The following CEP162 variants were observed in gnomAD, a reference collection of about 807,000 sequenced individuals.
The protein encoded by CEP162 is centrosomal protein of 162 kDa.
In CEP162, 141 loss-of-function variants were observed where a neutral mutation model predicts 169.2. That is an observed-to-expected ratio of 0.83 (90% CI 0.73 to 0.96). The LOEUF (loss-of-function observed/expected upper bound fraction) is 0.96. CEP162 is among the 40% of genes least tolerant of loss of function. CEP162 has a pLI of 0.00. For synonymous variants in CEP162, 540 were observed against 526.4 expected, an observed-to-expected ratio of 1.03 and a Z score of -0.35; for missense variants, 1,600 against 1,587.2, an observed-to-expected ratio of 1.01 and a Z score of -0.14.
chr6:84,200,248 TCAAAA>T (rs771918463), intron 9 of CEP162, among the ~76,000 whole-genome samples: 34 of 152,120 alleles, frequency 2.2e-4, no homozygotes, highest in Non-Finnish European at 2.9e-4. Flanking sequence ...AGACTCCATC[TCAAAA>T]CAAAACAAAA....
At chr6:84,136,484 A>G (rs1375575785) in intron 25 of CEP162, among the ~76,000 whole-genome samples, 3 of 152,200 alleles carry the variant, frequency 2.0e-5, no homozygotes, top group East Asian at 1.9e-4. Context: ...AACATCAACT[A>G]AATTTAAACA....
intron 1 of CEP162, 64 bp from the exon 2 acceptor site, chr6:84,226,516 T>C: frequency 2.8e-6 from 2 of 718,298 alleles, no homozygotes; most frequent in Non-Finnish European, 4.7e-6. Flanking sequence ...ACGACCAGAC[T>C]TAAACTTCGG....
chr6:84,139,364 T>C (rs1279312649), intron 25 of CEP162, among the ~76,000 whole-genome samples: 2 of 152,226 alleles, frequency 1.3e-5, no homozygotes, highest in African/African-American at 2.4e-5. Context: ...TAAACCAGAG[T>C]TCTAAGCCAC....
chr6:84,209,627 G>C (rs943630645), intron 6 of CEP162, among the ~76,000 whole-genome samples: 2 of 151,850 alleles, frequency 1.3e-5, no homozygotes, highest in South Asian at 4.1e-4. Context: ...CACCCGCCTT[G>C]GCCTCACAAA....
intron 18 of CEP162, among the ~76,000 whole-genome samples, chr6:84,163,528 T>C (rs1258542596): frequency 6.6e-6 from 1 of 151,940 alleles, no homozygotes; most frequent in Non-Finnish European, 1.5e-5. Context: ...ATACTAACCA[T>C]ATTGATGACC....
intron 3 of CEP162, 35 bp from the exon 4 acceptor site, chr6:84,215,957 G>A (rs373722723): frequency 3.8e-5 from 56 of 1,483,222 alleles, no homozygotes; most frequent in Non-Finnish European, 4.9e-5. Context: ...GAAGATTTAT[G>A]TTCAAAGAAT....
At chr6:84,192,694 C>T (rs2099540417) in intron 11 of CEP162, among the ~76,000 whole-genome samples, 1 of 152,198 alleles carries the variant, frequency 6.6e-6, no homozygotes, top group Non-Finnish European at 1.5e-5. Flanking sequence ...GGATGACAGA[C>T]TATTTCACAG....
At chr6:84,148,801 C>CTTGA (rs1031804965) in intron 24 of CEP162, among the ~76,000 whole-genome samples, 6 of 152,032 alleles carry the variant, frequency 3.9e-5, no homozygotes, top group African/African-American at 1.4e-4. Context: ...TATTTTTCAA[C>CTTGA]TTGATAACCC....
rs1438183154 is a variant in CEP162, at chr6:84,185,274, A to G, written c.1576T>C (p.Ser526Pro). 1.2e-6 allele frequency: 2 copies of G among 1,613,542 alleles called. No homozygotes were observed. Among genetic ancestry groups the G allele is most frequent in the African/African-American group, 2.7e-5 (2 of 74,906 alleles). Residue 526 changes from serine to proline, a missense_variant, in exon 13 of 27, where the codon TCT becomes CCT. Transcript: ENST00000403245. Reference protein sequence around the residue: ...GKPSSPLKMFSTLEKKTSEDI... With the variant: ...GKPSSPLKMFPTLEKKTSEDI... ...TCTGAAGTTTTCTTTTCAAGAGTAG[A>G]AAACATCTTGAGTGGTGAACTGGGT...
chr6:84,220,379 G>A lies in CEP162; in HGVS notation c.172+678C>T, dbSNP rs146744382. On this transcript the variant is annotated intron_variant, in intron 3 of 26. Transcript: ENST00000403245. ...GGTGGCTTAGGCTTGTAATCTCTGC[G>A]TTTTGGGAGGCCAAGGTGGGAGGAC... is the stretch of plus-strand genomic sequence containing the variant. Among the ~76,000 whole-genome samples, 478 of 152,132 alleles carry A rather than the reference G, an allele frequency of 3.1e-3. 5 individuals carry two copies. The highest frequency in any genetic ancestry group is 3.7e-3 in the Non-Finnish European group (252 of 67,996).
intron 11 of CEP162, among the ~76,000 whole-genome samples, chr6:84,191,501 T>C (rs1042196375): frequency 5.3e-5 from 8 of 152,242 alleles, no homozygotes; most frequent in Non-Finnish European, 1.2e-4. Context: ...CTCATACTTT[T>C]CCTTGCTGAA....
At position 84,141,582 on chromosome 6, in the gene CEP162, C is replaced by A. The variant is rs570035318; in HGVS notation, c.3870+5105G>T. On this transcript the variant is annotated intron_variant, in intron 25 of 26. Transcript: ENST00000403245. ...TCCTTTAATCCTAAAACTCCTCCAA[C>A]TTCCCCAGGAAATCTTTTAAATGCC... 5.3e-5 allele frequency among the ~76,000 whole-genome samples: 8 copies of A among 152,288 alleles called. No individual in the cohort carries two copies. In the East Asian group the frequency reaches 1.5e-3, roughly 29 times the overall value.
chr6:84,203,686 G>A (rs555941970), intron 7 of CEP162, among the ~76,000 whole-genome samples: 8 of 152,168 alleles, frequency 5.3e-5, no homozygotes, highest in Admixed American at 2.6e-4. Context: ...TCGTGGGCTC[G>A]AACAGTCCTC....
chr6:84,215,849 C>T lies in CEP162; in HGVS notation c.246G>A (p.Glu82=). ...TAAGAAATTGAATCTTTTCAGCAGACTCCTCTTCTATTTCCATAACAGGCT... is the reference window on the plus strand; with the variant it reads ...TAAGAAATTGAATCTTTTCAGCAGATTCCTCTTCTATTTCCATAACAGGCT... ...TSQPVMEIEE[E]SAEKIQFLKS... Residue 82 remains glutamate, a synonymous_variant, in exon 4 of 27, where the codon GAG becomes GAA. Transcript: ENST00000403245. The T allele has an allele frequency of 6.3e-7, 1 of 1,584,842 alleles. No homozygotes were observed. The highest frequency in any genetic ancestry group is 8.6e-7 in the Non-Finnish European group (1 of 1,163,830).
chr6:84,201,239 T>C (rs375847242), intron 8 of CEP162, among the ~76,000 whole-genome samples: 2 of 152,004 alleles, frequency 1.3e-5, no homozygotes, highest in African/African-American at 2.4e-5. Context: ...GATTACACCA[T>C]TGCACTCCAG....
intron 21 of CEP162, among the ~76,000 whole-genome samples, chr6:84,160,129 C>T (rs1010077294): frequency 2.6e-5 from 4 of 151,968 alleles, no homozygotes; most frequent in African/African-American, 7.3e-5. Flanking sequence ...GAATCATGTT[C>T]CCTTATGAAC....
intron 11 of CEP162, 21 bp from the exon 12 acceptor site, chr6:84,186,644 C>CAG (rs779639785): frequency 3.4e-5 from 53 of 1,576,944 alleles, no homozygotes; most frequent in Admixed American, 2.0e-4. Flanking sequence ...AAACAGGACA[C>CAG]AGATAATGAA....
Position 84,126,446 on chromosome 6 carries a change from C to A in CEP162, c.3937G>T (p.Val1313Leu), listed in dbSNP as rs577972462. ...ENHTPEMKHF[V>L]GLEKKIKQME... ...TGCTTAATTTTCTTTTCTAAGCCCA[C>A]GAAATGTTTCATCTCTGGTGTATGG... The change falls in exon 26 of 27, where the codon GTG (valine) becomes TTG (leucine). Residue 1313 changes from valine to leucine, a missense_variant. Val to Leu is a conservative substitution (Grantham distance 32). Transcript: ENST00000403245. 1.9e-6 allele frequency: 3 copies of A among 1,591,106 alleles called. No homozygotes were observed. The highest frequency in any genetic ancestry group is 1.7e-4 in the Middle Eastern group (1 of 6,020).
intron 6 of CEP162, among the ~76,000 whole-genome samples, chr6:84,204,436 G>T (rs758372433): frequency 6.6e-6 from 1 of 152,232 alleles, no homozygotes; most frequent in Non-Finnish European, 1.5e-5. Context: ...ACTCAAAACC[G>T]CACAACTACA....
Sources: allele counts gnomAD v4.1 joint callset (sites outside exome capture counted in the v4.1 genomes callset), GRCh38; gene constraint gnomAD v4.1.1; transcripts MANE v1.5; gene names NCBI Gene and HGNC (gene_info 2026-07-23, HGNC 2026-07-21).